The following THSD7B variants were observed in gnomAD, a reference collection of about 807,000 sequenced individuals.
THSD7B encodes thrombospondin type-1 domain-containing protein 7B.
In THSD7B, 138 loss-of-function variants were observed where a neutral mutation model predicts 213.6. That is an observed-to-expected ratio of 0.65 (90% CI 0.56 to 0.74). THSD7B has a LOEUF of 0.74. THSD7B is among the 30% of genes least tolerant of loss of function. THSD7B has a pLI of 0.00. For missense variants in THSD7B, 1,931 were observed against 1,991.5 expected (o/e 0.97, Z 0.58); for synonymous variants, 742 against 687.0 (o/e 1.08, Z -1.25).
At chr2:136,971,093 TG>T (rs1204079800) in intron 2 of THSD7B, among the ~76,000 whole-genome samples, 1 of 152,148 alleles carries the variant, frequency 6.6e-6, no homozygotes, top group Admixed American at 6.5e-5. Flanking sequence ...ACATGAAATC[TG>T]GACACAAAAT....
intron 2 of THSD7B, among the ~76,000 whole-genome samples, chr2:136,883,303 C>T (rs965647169): frequency 6.7e-6 from 1 of 148,526 alleles, no homozygotes; most frequent in Non-Finnish European, 1.5e-5. Context: ...AATAATTTTG[C>T]AAAAATGAAA....
chr2:137,151,951 G>A (rs1679826792), intron 5 of THSD7B, among the ~76,000 whole-genome samples: 1 of 151,872 alleles, frequency 6.6e-6, no homozygotes, highest in Non-Finnish European at 1.5e-5. Flanking sequence ...GTAGCTAGTG[G>A]AGGGTGACCT....
At chr2:137,291,263 C>G (rs1031232764) in intron 12 of THSD7B, among the ~76,000 whole-genome samples, 2 of 152,068 alleles carry the variant, frequency 1.3e-5, no homozygotes, top group African/African-American at 4.8e-5. Context: ...TTCCATTCTC[C>G]CAGTTGTAAT....
chr2:137,058,146 T>C (rs1687203732), intron 3 of THSD7B, among the ~76,000 whole-genome samples: 1 of 152,058 alleles, frequency 6.6e-6, no homozygotes, highest in African/African-American at 2.4e-5. Context: ...CACTGTTGTT[T>C]ATGAACAAAG....
At chr2:137,453,920 T>A (rs1194314133) in intron 15 of THSD7B, among the ~76,000 whole-genome samples, 1 of 152,208 alleles carries the variant, frequency 6.6e-6, no homozygotes, top group East Asian at 1.9e-4. Flanking sequence ...GTTGCATCCA[T>A]GTAGTCTCAA....
intron 3 of THSD7B, among the ~76,000 whole-genome samples, chr2:137,071,445 T>C (rs531367039): frequency 1.3e-3 from 195 of 152,324 alleles, no homozygotes; most frequent in African/African-American, 4.5e-3. Flanking sequence ...TCATTGTAGA[T>C]TCTGGATATT....
At chr2:136,784,301 G>A (rs11894878) in intron 1 of THSD7B, among the ~76,000 whole-genome samples, 6,499 of 152,232 alleles carry the variant, frequency 0.043, 474 homozygotes, top group African/African-American at 0.15. Flanking sequence ...CACAGACTCT[G>A]CAAGATGGAG....
At chr2:137,454,392 ATCTGTCTG>A (rs1553451269) in intron 15 of THSD7B, among the ~76,000 whole-genome samples, 3 of 115,044 alleles carry the variant, frequency 2.6e-5, no homozygotes, top group African/African-American at 9.0e-5. Flanking sequence ...GAGCCATTCT[ATCTGTCTG>A]TCTGTCTGTC....
chr2:137,253,213 G>T lies in THSD7B; in HGVS notation c.2266+10641G>T, dbSNP rs114555168. On this transcript the variant is annotated intron_variant, in intron 10 of 27. Coordinates refer to ENST00000409968, the MANE Select transcript of THSD7B (RefSeq NM_001316349.2). Reference sequence around the variant, plus strand: ...GCCTTGGCTGTGATTCCTATCAGTGGTCTATGATAAACAGTGCTGTTTGGT... The same window carrying T: ...GCCTTGGCTGTGATTCCTATCAGTGTTCTATGATAAACAGTGCTGTTTGGT... 6.0e-3 allele frequency among the ~76,000 whole-genome samples: 905 copies of T among 152,088 alleles called. 9 individuals are homozygous for T. Among genetic ancestry groups the T allele is most frequent in the African/African-American group, 0.02 (822 of 41,504 alleles).
At chr2:137,304,323 C>A (rs1665923575) in intron 12 of THSD7B, among the ~76,000 whole-genome samples, 1 of 152,272 alleles carries the variant, frequency 6.6e-6, no homozygotes, top group African/African-American at 2.4e-5. Context: ...ATCTATCAAG[C>A]AATGACTGTG....
intron 17 of THSD7B, among the ~76,000 whole-genome samples, chr2:137,595,026 T>C (rs1429752646): frequency 6.6e-6 from 1 of 152,022 alleles, no homozygotes; most frequent in African/African-American, 2.4e-5. Context: ...TGTACAGATA[T>C]GCAATTAATT....
chr2:136,949,005 A>T (rs1684990004), intron 2 of THSD7B, among the ~76,000 whole-genome samples: 1 of 152,076 alleles, frequency 6.6e-6, no homozygotes, highest in Non-Finnish European at 1.5e-5. Context: ...GAGGGGTCTC[A>T]CTCTGTTTCC....
chr2:137,452,145 C>T (rs749461921), intron 15 of THSD7B: 3 of 437,002 alleles, frequency 6.9e-6, no homozygotes, highest in Non-Finnish European at 9.1e-6. Flanking sequence ...AAAAATTCAA[C>T]AAGATATATT....
At position 137,314,911 on chromosome 2, in the gene THSD7B, G is replaced by A. The variant is rs1245387322; in HGVS notation, c.2500+38885G>A. 5.9e-5 allele frequency among the ~76,000 whole-genome samples: 9 copies of A among 152,322 alleles called. No individual in the cohort carries two copies. The South Asian group carries it at 6.2e-4, about 11-fold the overall frequency. On this transcript the variant is annotated intron_variant, in intron 12 of 27. Transcript: ENST00000409968. ...TGGGAGAACCACTGCTCTCTTCAAC[G>A]CTGTCAGACAGGGACATTTAAGTCT...
chr2:137,402,206 G>T (rs1686383489), intron 12 of THSD7B, among the ~76,000 whole-genome samples: 1 of 152,158 alleles, frequency 6.6e-6, no homozygotes, highest in African/African-American at 2.4e-5. Flanking sequence ...ACTAGGGCAT[G>T]AAGAATTAAA....
chr2:137,586,357 T>A (rs955935275), intron 17 of THSD7B, among the ~76,000 whole-genome samples: 1 of 152,208 alleles, frequency 6.6e-6, no homozygotes, highest in South Asian at 2.1e-4. Flanking sequence ...TATTGTTATG[T>A]GTGAATTTGA....
At chr2:137,166,771 C>T (rs185650728) in intron 6 of THSD7B, among the ~76,000 whole-genome samples, 12 of 152,298 alleles carry the variant, frequency 7.9e-5, no homozygotes, top group Admixed American at 3.9e-4. Flanking sequence ...TAGGCTTTCC[C>T]TTGAATGAGA....
intron 14 of THSD7B, among the ~76,000 whole-genome samples, chr2:137,448,470 T>G (rs1687583983): frequency 6.6e-6 from 1 of 152,030 alleles, no homozygotes. Flanking sequence ...GGGGGAACAA[T>G]AAGTTTGGTA....
chr2:137,507,251 T>C (rs922998717), intron 15 of THSD7B, among the ~76,000 whole-genome samples: 2 of 152,136 alleles, frequency 1.3e-5, no homozygotes, highest in African/African-American at 2.4e-5. Flanking sequence ...CCACAGAAAA[T>C]AGAGCCACCT....
Sources: gnomAD v4.1 joint callset for allele counts (sites outside exome capture counted in the v4.1 genomes callset) on GRCh38, gnomAD v4.1.1 for gene constraint, MANE v1.5 for transcripts, NCBI Gene and HGNC (gene_info 2026-07-23, HGNC 2026-07-21) for gene names.